NTN1: variants seen among roughly 807,000 people sequenced by gnomAD.
The protein encoded by NTN1 is netrin 1, also known as netrin-1.
NTN1 carries 11 observed loss-of-function variants against 54.2 expected under a neutral mutation model. The observed-to-expected ratio is 0.20, with a 90% CI of 0.13 to 0.34. The LOEUF is 0.34. NTN1 is among the 10% of genes least tolerant of loss of function. The probability of loss-of-function intolerance (pLI) is 1.00; values close to 1 mark genes in which losing one functional copy is unlikely to be tolerated. For synonymous variants in NTN1, 371 were observed against 382.0 expected, an observed-to-expected ratio of 0.97 and a Z score of 0.33; for missense variants, 740 against 893.1, an observed-to-expected ratio of 0.83 and a Z score of 2.18.
At chr17:9,121,092 GA>G (rs1394730502) in intron 2 of NTN1, among the ~76,000 whole-genome samples, 1 of 152,074 alleles carries the variant, frequency 6.6e-6, no homozygotes, top group Non-Finnish European at 1.5e-5. Context: ...GTGGTGCGAG[GA>G]AAAAGAAGGA....
intron 2 of NTN1, among the ~76,000 whole-genome samples, chr17:9,082,581 G>A (rs1241612181): frequency 2.6e-5 from 4 of 152,208 alleles, no homozygotes; most frequent in Admixed American, 6.5e-5. Context: ...ATGAGGCAGA[G>A]TGTGGGGCCG....
intron 4 of NTN1, among the ~76,000 whole-genome samples, chr17:9,181,190 G>A (rs1401779774): frequency 2.0e-5 from 3 of 152,166 alleles, no homozygotes; most frequent in Non-Finnish European, 2.9e-5. Context: ...GATGCCTGGC[G>A]AGAGCATTGT....
chr17:9,108,073 A>G (rs2092173874), intron 2 of NTN1, among the ~76,000 whole-genome samples: 1 of 152,234 alleles, frequency 6.6e-6, no homozygotes, highest in Non-Finnish European at 1.5e-5. Context: ...GCACAAAGAA[A>G]CATTCAGTGA....
the NTN1 span, among the ~76,000 whole-genome samples, chr17:9,013,319 C>T: frequency 3.1e-4 from 47 of 149,336 alleles, no homozygotes; most frequent in African/African-American, 1.1e-3. Context: ...CAGGTTCAAG[C>T]GATTCTCCTG....
chr17:9,069,211 C>A (rs1356896254), intron 2 of NTN1, among the ~76,000 whole-genome samples: 1 of 134,502 alleles, frequency 7.4e-6, no homozygotes, highest in Non-Finnish European at 1.6e-5. Context: ...TAAATTGGAA[C>A]CTTTTAGACA....
intron 6 of NTN1, among the ~76,000 whole-genome samples, chr17:9,233,371 C>T (rs1196589107): frequency 2.6e-5 from 4 of 152,052 alleles, no homozygotes; most frequent in Admixed American, 2.6e-4. Flanking sequence ...GCATCTATAA[C>T]TTCTGCACCG....
chr17:9,128,111 C>T lies in NTN1; in HGVS notation c.1019-34702C>T, dbSNP rs569335516. Among the ~76,000 whole-genome samples, 8 of 149,688 alleles carry T rather than the reference C, an allele frequency of 5.3e-5. No homozygotes were observed. In the East Asian group the frequency reaches 1.4e-3, roughly 26 times the overall value. ...CAGCCTGGGTGACAGAGCAAGACTCCGTCTCGAAAAATAAATAAATAAATA... is the reference window on the plus strand; with the variant it reads ...CAGCCTGGGTGACAGAGCAAGACTCTGTCTCGAAAAATAAATAAATAAATA... On this transcript the variant is annotated intron_variant, in intron 2 of 6. Transcript: ENST00000173229.
At chr17:9,186,223 G>T (rs57651864) in intron 5 of NTN1, among the ~76,000 whole-genome samples, 31,149 of 152,252 alleles carry the variant, frequency 0.2, 3,345 homozygotes, top group African/African-American at 0.25. Context: ...TACCCAATGA[G>T]ATGTCATTGA....
chr17:9,186,666 C>G (rs1318418629), intron 5 of NTN1, among the ~76,000 whole-genome samples: 1 of 152,212 alleles, frequency 6.6e-6, no homozygotes, highest in Non-Finnish European at 1.5e-5. Flanking sequence ...GGCAGCTGAA[C>G]CTCTCCGAGA....
rs188538791 is a variant in NTN1 at position 9,187,701 on chromosome 17, C to T, written c.1411+4732C>T. Among the ~76,000 whole-genome samples, 10 of 147,258 alleles carry T rather than the reference C, an allele frequency of 6.8e-5. No homozygotes were observed. In the East Asian group the frequency reaches 1.4e-3, roughly 21 times the overall value. Reference sequence around the variant, plus strand: ...AAAACATTAGCCAGGCATGGTGATGCACACCTGTAGTCCCAGCTACTCAGG... The same window carrying T: ...AAAACATTAGCCAGGCATGGTGATGTACACCTGTAGTCCCAGCTACTCAGG... On this transcript the variant is annotated intron_variant, in intron 5 of 6. Coordinates refer to ENST00000173229, the MANE Select transcript of NTN1 (RefSeq NM_004822.3).
chr17:9,105,060 G>A (rs72811911), intron 2 of NTN1, among the ~76,000 whole-genome samples: 45 of 152,296 alleles, frequency 3.0e-4, no homozygotes, highest in Admixed American at 5.9e-4. Flanking sequence ...TGAGAGACCC[G>A]GCAGTCCAAG....
chr17:9,179,366 G>A (rs1166618869), intron 3 of NTN1, among the ~76,000 whole-genome samples: 5 of 152,164 alleles, frequency 3.3e-5, no homozygotes, highest in Non-Finnish European at 7.4e-5. Context: ...CCCATGCCCT[G>A]GGTTGGCAAG....
rs571454706 is a variant in NTN1 at position 9,233,072 on chromosome 17, AG to A, written c.1487-6564del. Among the ~76,000 whole-genome samples the A allele has an allele frequency of 1.6e-3, 238 of 151,912 alleles. 5 individuals are homozygous for A. Among genetic ancestry groups the A allele is most frequent in the African/African-American group, 5.6e-3 (232 of 41,248 alleles). The stretch of plus-strand genomic sequence containing the variant: ...GCCCAACAGGAAGGTATGGCTGTGT[AG>A]GGGAGGGGAGAGGCTGACCACCTCA... On this transcript the variant is annotated intron_variant, in intron 6 of 6. Coordinates refer to ENST00000173229, the MANE Select transcript of NTN1 (RefSeq NM_004822.3).
intron 5 of NTN1, chr17:9,183,687 G>T: frequency 5.3e-6 from 1 of 187,632 alleles, no homozygotes; most frequent in Non-Finnish European, 1.1e-5. Flanking sequence ...CCATCAATCT[G>T]GGTCTTTAAA....
chr17:9,201,910 G>A (rs1217876927), intron 5 of NTN1, among the ~76,000 whole-genome samples: 2 of 151,388 alleles, frequency 1.3e-5, no homozygotes, highest in South Asian at 2.1e-4. Flanking sequence ...AGACCGGGCC[G>A]GGCGTGGTGG....
At chr17:9,238,019 A>G (rs1906050419) in intron 6 of NTN1, among the ~76,000 whole-genome samples, 1 of 152,176 alleles carries the variant, frequency 6.6e-6, no homozygotes, top group African/African-American at 2.4e-5. Flanking sequence ...CCCTGGAAGG[A>G]TGACTCGGTT....
At chr17:9,186,673 G>A (rs1046207305) in intron 5 of NTN1, among the ~76,000 whole-genome samples, 6 of 152,184 alleles carry the variant, frequency 3.9e-5, no homozygotes, top group Non-Finnish European at 7.4e-5. Flanking sequence ...GAACCTCTCC[G>A]AGAAGCTCCA....
chr17:9,116,060 G>T (rs1029551283), intron 2 of NTN1, among the ~76,000 whole-genome samples: 1 of 152,232 alleles, frequency 6.6e-6, no homozygotes, highest in Non-Finnish European at 1.5e-5. Flanking sequence ...CCAGAAAGCC[G>T]CCTGTGGGTG....
At chr17:9,206,816 C>A (rs556990088) in intron 5 of NTN1, among the ~76,000 whole-genome samples, 1 of 152,354 alleles carries the variant, frequency 6.6e-6, no homozygotes, top group Admixed American at 6.5e-5. Flanking sequence ...CCCTTCAAAC[C>A]TCCCTGGAGA....
Sources: allele counts gnomAD v4.1 joint callset (sites outside exome capture counted in the v4.1 genomes callset), GRCh38; gene constraint gnomAD v4.1.1; transcripts MANE v1.5; gene names NCBI Gene and HGNC (gene_info 2026-07-23, HGNC 2026-07-21).